CSMD1: variants seen among roughly 807,000 people sequenced by gnomAD.
CSMD1 encodes CUB and sushi domain-containing protein 1.
Under a neutral mutation model 417.5 loss-of-function variants are expected in CSMD1, and 213 were observed. That is an observed-to-expected ratio of 0.51 (90% confidence interval 0.46 to 0.57). The LOEUF is 0.57. Ranked by LOEUF, CSMD1 falls within the 20% of genes least tolerant of loss-of-function variation. The probability of loss-of-function intolerance (pLI) is 0.00; values close to 1 mark genes in which losing one functional copy is unlikely to be tolerated. For missense variants in CSMD1, 6,923 were observed against 4,529.7 expected, an observed-to-expected ratio of 1.53 and a Z score of -15.17; for synonymous variants, 2,862 against 1,736.8, an observed-to-expected ratio of 1.65 and a Z score of -16.11.
chr8:4,481,322 A>G (rs1801087250), intron 2 of CSMD1, among the ~76,000 whole-genome samples: 1 of 152,218 alleles, frequency 6.6e-6, no homozygotes, highest in Non-Finnish European at 1.5e-5. Context: ...TTTAATTATA[A>G]TGCATTAAAG....
intron 5 of CSMD1, among the ~76,000 whole-genome samples, chr8:3,940,207 T>A (rs1426280): frequency 6.6e-6 from 1 of 151,492 alleles, no homozygotes; most frequent in Non-Finnish European, 1.5e-5. Flanking sequence ...TTTGAAAAAG[T>A]TCTACCACCA....
chr8:4,425,326 G>C (rs1797485412), intron 2 of CSMD1, among the ~76,000 whole-genome samples: 1 of 149,634 alleles, frequency 6.7e-6, no homozygotes. Flanking sequence ...ATATATGCAT[G>C]TGATCTGATT....
At chr8:2,960,587 A>C (rs560615441) in intron 62 of CSMD1, among the ~76,000 whole-genome samples, 4 of 152,192 alleles carry the variant, frequency 2.6e-5, no homozygotes, top group South Asian at 2.1e-4. Flanking sequence ...ATTTTATTAA[A>C]AGTCAAATGA....
chr8:4,344,464 C>G (rs757569117), intron 3 of CSMD1, among the ~76,000 whole-genome samples: 2 of 151,962 alleles, frequency 1.3e-5, no homozygotes, highest in South Asian at 4.1e-4. Flanking sequence ...CATTCTTTTA[C>G]AAATGTCTAC....
At chr8:3,149,783 T>C (rs1819079837) in intron 40 of CSMD1, among the ~76,000 whole-genome samples, 1 of 152,120 alleles carries the variant, frequency 6.6e-6, no homozygotes, top group South Asian at 2.1e-4. Context: ...CTTATGTGGG[T>C]ATTTCAGGTA....
At chr8:4,587,979 C>G (rs1322434954) in intron 2 of CSMD1, among the ~76,000 whole-genome samples, 1 of 152,166 alleles carries the variant, frequency 6.6e-6, no homozygotes, top group African/African-American at 2.4e-5. Flanking sequence ...GCAACATCAA[C>G]TAGCTACTTT....
chr8:3,367,329 G>C (rs1051715380), intron 19 of CSMD1, 82 bp from the exon 20 acceptor site: 3 of 838,828 alleles, frequency 3.6e-6, no homozygotes, highest in African/African-American at 1.7e-5. Context: ...GCGGGGCAGA[G>C]AGAGACAGAG....
intron 5 of CSMD1, among the ~76,000 whole-genome samples, chr8:3,961,285 C>T (rs2407192): frequency 0.22 from 33,477 of 151,748 alleles, 3,904 homozygotes; most frequent in East Asian, 0.34. Context: ...GTTATATAAG[C>T]ATAAAAGTTA....
chr8:3,476,460 G>C (rs1365580933), intron 11 of CSMD1, among the ~76,000 whole-genome samples: 1 of 152,232 alleles, frequency 6.6e-6, no homozygotes, highest in Non-Finnish European at 1.5e-5. Context: ...TTAGGAGGTG[G>C]ATTTCTGGGC....
intron 1 of CSMD1, among the ~76,000 whole-genome samples, chr8:4,927,380 T>G (rs1806941409): frequency 6.6e-6 from 1 of 152,174 alleles, no homozygotes; most frequent in South Asian, 2.1e-4. Context: ...TAATCTAATC[T>G]TAGTATAAAT....
chr8:2,975,345 G>A (rs1256513847), intron 55 of CSMD1, among the ~76,000 whole-genome samples: 1 of 152,134 alleles, frequency 6.6e-6, no homozygotes, highest in Non-Finnish European at 1.5e-5. Context: ...TTACTGTACA[G>A]TATCAAATGA....
chr8:4,418,444 C>T (rs537678826), intron 3 of CSMD1, among the ~76,000 whole-genome samples: 3 of 152,142 alleles, frequency 2.0e-5, no homozygotes, highest in East Asian at 3.9e-4. Context: ...TTCTCAACAG[C>T]GATGGAGTTT....
At chr8:3,935,801 A>G (rs1207674710) in intron 5 of CSMD1, among the ~76,000 whole-genome samples, 1 of 152,134 alleles carries the variant, frequency 6.6e-6, no homozygotes, top group Non-Finnish European at 1.5e-5. Flanking sequence ...AGTGGCCTTT[A>G]TGTGCTCAAG....
intron 1 of CSMD1, among the ~76,000 whole-genome samples, chr8:4,929,488 T>C (rs1442396388): frequency 2.0e-5 from 3 of 152,202 alleles, no homozygotes; most frequent in Non-Finnish European, 2.9e-5. Flanking sequence ...AAAAATGAGA[T>C]GCTGGATATT....
chr8:4,183,452 C>T (rs1057077003), intron 3 of CSMD1, among the ~76,000 whole-genome samples: 2 of 152,110 alleles, frequency 1.3e-5, no homozygotes, highest in African/African-American at 2.4e-5. Context: ...ATTTTTAGCC[C>T]CTCAATGACA....
intron 37 of CSMD1, among the ~76,000 whole-genome samples, chr8:3,166,294 G>A (rs1033532251): frequency 5.9e-5 from 9 of 152,120 alleles, no homozygotes; most frequent in African/African-American, 7.2e-5. Flanking sequence ...ACTTTGGGAG[G>A]CCGAGGCAGG....
chr8:4,182,437 T>A (rs1025660784), intron 3 of CSMD1, among the ~76,000 whole-genome samples: 3 of 152,060 alleles, frequency 2.0e-5, no homozygotes, highest in Non-Finnish European at 4.4e-5. Context: ...ACTTATATAA[T>A]GAAATAATAA....
chr8:4,836,239 C>T (rs1800482839), intron 1 of CSMD1, among the ~76,000 whole-genome samples: 1 of 152,156 alleles, frequency 6.6e-6, no homozygotes, highest in African/African-American at 2.4e-5. Context: ...AATTAACTAC[C>T]ATGACTCATT....
chr8:3,160,822 T>C (rs17079498), intron 38 of CSMD1, among the ~76,000 whole-genome samples: 10,378 of 152,266 alleles, frequency 0.068, 790 homozygotes, highest in African/African-American at 0.19. Context: ...TGAGATTTTG[T>C]ATATAAAGCA....
Sources: allele counts gnomAD v4.1 joint callset (sites outside exome capture counted in the v4.1 genomes callset), GRCh38; gene constraint gnomAD v4.1.1; transcripts MANE v1.5; gene names NCBI Gene and HGNC (gene_info 2026-07-23, HGNC 2026-07-21).